MAGEA4: variants seen among roughly 807,000 people sequenced by gnomAD.
The protein encoded by MAGEA4 is melanoma-associated antigen 4.
In MAGEA4, 1 loss-of-function variant was observed where a neutral mutation model predicts 13.7. The ratio of observed to expected loss-of-function variants is 0.07; its 90% CI spans 0.03 to 0.35. The LOEUF (loss-of-function observed/expected upper bound fraction) is 0.35. Ranked by LOEUF, MAGEA4 falls within the 10% of genes least tolerant of loss-of-function variation. The pLI is 0.99. For missense variants in MAGEA4, 312 were observed against 245.1 expected (o/e 1.27, Z -1.82); for synonymous variants, 132 against 101.1 (o/e 1.31, Z -1.83).
In MAGEA4 at chrX:151,923,692, T is replaced by C. The variant is rs770283475; in HGVS notation, c.28T>C (p.Cys10Arg). MSSEQKSQH[C>R]KPEEGVEAQE... ...GTCTTCTGAGCAGAAGAGTCAGCAC[T>C]GCAAGCCTGAGGAAGGCGTTGAGGC... Residue 10 changes from cysteine to arginine, a missense_variant, in exon 3 of 3, where the codon TGC becomes CGC. Coordinates refer to ENST00000276344, the MANE Select transcript of MAGEA4 (RefSeq NM_001011548.1). 3 of 1,211,311 alleles carry C rather than the reference T, an allele frequency of 2.5e-6. No homozygotes were observed. In the Admixed American group the frequency reaches 6.5e-5, roughly 26 times the overall value.
intron 1 of MAGEA4, among the ~76,000 whole-genome samples, chrX:151,919,246 C>T (rs1397484332): frequency 1.9e-5 from 2 of 103,500 alleles, no homozygotes; most frequent in African/African-American, 7.1e-5. Flanking sequence ...GCAGGCTCTA[C>T]GAGGCATCAA....
At chrX:151,920,653 C>T (rs1208915921) in intron 1 of MAGEA4, among the ~76,000 whole-genome samples, 14 of 96,532 alleles carry the variant, frequency 1.5e-4, no homozygotes, top group Non-Finnish European at 1.9e-4. Context: ...AGCCTCATAC[C>T]CCCCTCCCCC....
rs1209700266 is a variant in MAGEA4, at chrX:151,924,188, A to G, written c.524A>G (p.Asn175Ser). The stretch of plus-strand genomic sequence containing the variant: ...GTGAAGGAAGTGGACCCCGCCAGCA[A>G]CACCTACACCCTTGTCACCTGCCTG... ...IDVKEVDPAS[N>S]TYTLVTCLGL... The change falls in exon 3 of 3, where the codon AAC becomes AGC. Residue 175 changes from asparagine (N) to serine (S), a missense_variant. By Grantham distance (46) the Asn-to-Ser change is conservative. Coordinates refer to ENST00000276344, the MANE Select transcript of MAGEA4 (RefSeq NM_001011548.1). 2.5e-6 allele frequency: 3 copies of G among 1,211,764 alleles called. No homozygotes were observed. Among genetic ancestry groups the G allele is most frequent in the Non-Finnish European group, 1.1e-6 (1 of 895,455 alleles).
rs778279093 is a variant in MAGEA4, at chrX:151,922,233, C to G, written c.-137-1220C>G. Among the ~76,000 whole-genome samples, 5 of 111,548 alleles carry G rather than the reference C, an allele frequency of 4.5e-5. No homozygotes were observed. The South Asian group carries it at 1.5e-3, about 34-fold the overall frequency. On this transcript the variant is annotated intron_variant, in intron 1 of 2. Coordinates refer to ENST00000276344, the MANE Select transcript of MAGEA4 (RefSeq NM_001011548.1). ...ACGGGACCCCACAGAGTCTGGCTGT[C>G]CCCTGTTCTTAGCTCAGGGGGGACC...
At chrX:151,923,009 G>T (rs1933518993) in intron 1 of MAGEA4, among the ~76,000 whole-genome samples, 1 of 112,563 alleles carries the variant, frequency 8.9e-6, no homozygotes, top group Non-Finnish European at 1.9e-5. Context: ...GTGAGCTCTT[G>T]ATCTGAGTTT....
intron 1 of MAGEA4, among the ~76,000 whole-genome samples, chrX:151,922,584 C>T (rs767521287): frequency 1.8e-5 from 2 of 111,615 alleles, no homozygotes; most frequent in South Asian, 7.6e-4. Context: ...ACAGGGACCC[C>T]CATCTGGTCT....
chrX:151,920,203 G>A (rs1440126248), intron 1 of MAGEA4, among the ~76,000 whole-genome samples: 1 of 110,322 alleles, frequency 9.1e-6, no homozygotes, highest in African/African-American at 3.3e-5. Flanking sequence ...TGCATTGGGG[G>A]TTAGAGAGAC....
intron 1 of MAGEA4, among the ~76,000 whole-genome samples, chrX:151,917,832 C>G (rs1045006289): frequency 5.9e-5 from 6 of 102,473 alleles, no homozygotes; most frequent in Admixed American, 1.1e-4. Context: ...TCGCAGGGGA[C>G]TCTGGAGTCA....
chrX:151,924,709 A>G lies in MAGEA4; in HGVS notation c.*91A>G. 1 of 944,819 alleles carries G rather than the reference A, an allele frequency of 1.1e-6. No homozygotes were observed. Among genetic ancestry groups the G allele is most frequent in the Non-Finnish European group, 1.4e-6 (1 of 699,064 alleles). The allele number at this position is 944,819 out of a possible 1,213,427, so 77.9% of individuals were successfully genotyped here. A position where few individuals can be genotyped will look rare whatever the true frequency, so the allele number is the denominator to read the frequency against. On this transcript the variant is annotated 3_prime_UTR_variant, in exon 3 of 3. Transcript: ENST00000276344. ...GCAGCAGCTTCCCTTGCCTCGTGTAACATGAGGCCCATTCTTCACTCTGTT... is the reference window on the plus strand; with the variant it reads ...GCAGCAGCTTCCCTTGCCTCGTGTAGCATGAGGCCCATTCTTCACTCTGTT...
intron 1 of MAGEA4, chrX:151,918,079 C>G (rs1933156546): frequency 3.6e-5 from 2 of 55,006 alleles, no homozygotes; most frequent in Admixed American, 2.1e-4. Flanking sequence ...CGGGGCCCCT[C>G]CACCAACCTC....
rs772288131 is a variant in MAGEA4, at chrX:151,924,474, T to C, written c.810T>C (p.Tyr270=). 3.3e-6 allele frequency: 4 copies of C among 1,210,340 alleles called. No homozygotes were observed. Among genetic ancestry groups the C allele is most frequent in the African/African-American group, 3.5e-5 (2 of 57,234 alleles). Residue 270 remains tyrosine (Y), a synonymous_variant, in exon 3 of 3, where the codon TAT becomes TAC. Coordinates refer to ENST00000276344, the MANE Select transcript of MAGEA4 (RefSeq NM_001011548.1). ...RQVPGSNPAR[Y]EFLWGPRALA... Reference sequence around the variant, plus strand: ...TACCCGGCAGTAATCCTGCGCGCTATGAGTTCCTGTGGGGTCCAAGGGCTC... The same window carrying C: ...TACCCGGCAGTAATCCTGCGCGCTACGAGTTCCTGTGGGGTCCAAGGGCTC...
At chrX:151,920,083 TC>T (rs1933349917) in intron 1 of MAGEA4, among the ~76,000 whole-genome samples, 1 of 102,524 alleles carries the variant, frequency 9.8e-6, no homozygotes, top group African/African-American at 3.6e-5. Context: ...TACCCTTATG[TC>T]CTCATCCCCC....
chrX:151,920,502 G>A (rs1457562782), intron 1 of MAGEA4, among the ~76,000 whole-genome samples: 2 of 109,389 alleles, frequency 1.8e-5, no homozygotes, highest in Admixed American at 9.6e-5. Context: ...GCTCTGCCAG[G>A]CATCAACGTC....
At chrX:151,922,348 G>A (rs147542061) in intron 1 of MAGEA4, among the ~76,000 whole-genome samples, 2,146 of 111,186 alleles carry the variant, frequency 0.019, 51 homozygotes, top group African/African-American at 0.067. Context: ...TGGAGTAAAG[G>A]GGCAATGTTT....
intron 1 of MAGEA4, chrX:151,917,789 C>T (rs1374525290): frequency 3.4e-5 from 5 of 145,160 alleles, no homozygotes; most frequent in African/African-American, 1.0e-4. Context: ...GACTTCTGAG[C>T]TTGGGGCGCC....
rs1933576601 is a variant in MAGEA4 at position 151,923,957 on chromosome X, C to A, written c.293C>A (p.Thr98Asn). The change falls in exon 3 of 3, where the codon ACC becomes AAC. Residue 98 changes from threonine to asparagine, a missense_variant. Thr to Asn is a moderately conservative substitution (Grantham distance 65). Transcript: ENST00000276344. ...SSSQEEEGPSTSPDAESLFRE... is the reference protein window; with the variant it reads ...SSSQEEEGPSNSPDAESLFRE... ...AGCCAAGAAGAGGAGGGGCCAAGCA[C>A]CTCGCCTGACGCAGAGTCCTTGTTC... The A allele has an allele frequency of 8.3e-7, 1 of 1,210,024 alleles. No homozygotes were observed. The highest frequency in any genetic ancestry group is 1.1e-6 in the Non-Finnish European group (1 of 895,162).
At chrX:151,919,565 C>T (rs1323987995) in intron 1 of MAGEA4, 4 of 610,000 alleles carry the variant, frequency 6.6e-6, no homozygotes, top group South Asian at 1.8e-4. Flanking sequence ...CACGCTGAAT[C>T]GGGTTCTGCT....
chrX:151,922,040 G>A (rs1201115807), intron 1 of MAGEA4, among the ~76,000 whole-genome samples: 2 of 111,358 alleles, frequency 1.8e-5, no homozygotes, highest in Non-Finnish European at 3.8e-5. Context: ...TCCTGGGCAA[G>A]GTAGCCACCT....
At chrX:151,913,556 A>C in intron 1 of MAGEA4, 2 of 750,498 alleles carry the variant, frequency 2.7e-6, no homozygotes, top group Non-Finnish European at 3.1e-6. Flanking sequence ...GGATTGGCGG[A>C]GGGAAGCGGG....
Sources: allele counts gnomAD v4.1 joint callset (sites outside exome capture counted in the v4.1 genomes callset), GRCh38; gene constraint gnomAD v4.1.1; transcripts MANE v1.5; gene names NCBI Gene and HGNC (gene_info 2026-07-23, HGNC 2026-07-21).